Variants in TDRD7 observed in about 807,000 individuals in gnomAD.
TDRD7 encodes tudor domain-containing protein 7.
In TDRD7, 47 loss-of-function variants were observed where a neutral mutation model predicts 109.8. The ratio of observed to expected loss-of-function variants is 0.43; its 90% CI spans 0.34 to 0.55. The LOEUF (loss-of-function observed/expected upper bound fraction) is 0.55. TDRD7 is among the 20% of genes least tolerant of loss of function. The probability of loss-of-function intolerance (pLI) is 0.03; values close to 1 mark genes in which losing one functional copy is unlikely to be tolerated. For synonymous variants in TDRD7, 424 were observed against 457.3 expected, an observed-to-expected ratio of 0.93 and a Z score of 0.93; for missense variants, 1,164 against 1,319.2, an observed-to-expected ratio of 0.88 and a Z score of 1.82.
intron 7 of TDRD7, among the ~76,000 whole-genome samples, chr9:97,461,674 C>G (rs1260514725): frequency 6.6e-6 from 1 of 152,196 alleles, no homozygotes; most frequent in Non-Finnish European, 1.5e-5. Context: ...TTTGCAGTCT[C>G]CATTTGGGAA....
chr9:97,489,552 C>T (rs1242184785), intron 16 of TDRD7, among the ~76,000 whole-genome samples: 1 of 152,028 alleles, frequency 6.6e-6, no homozygotes, highest in African/African-American at 2.4e-5. Context: ...TTAAAGTGGT[C>T]TTGTAGATAA....
At chr9:97,432,274 C>A in intron 4 of TDRD7, 36 bp downstream of exon 4, 1 of 1,571,968 alleles carries the variant, frequency 6.4e-7, no homozygotes, top group Non-Finnish European at 8.8e-7. Flanking sequence ...TTTGGTGAAT[C>A]TAGGGTAAAA....
At chr9:97,417,679 G>A (rs1056336683) in intron 1 of TDRD7, among the ~76,000 whole-genome samples, 1 of 152,140 alleles carries the variant, frequency 6.6e-6, no homozygotes, top group African/African-American at 2.4e-5. Context: ...TTAAACTTGC[G>A]GAACACAAGT....
At chr9:97,436,663 T>G (rs1338497551) in intron 4 of TDRD7, among the ~76,000 whole-genome samples, 1 of 152,214 alleles carries the variant, frequency 6.6e-6, no homozygotes, top group African/African-American at 2.4e-5. Flanking sequence ...GTAATATGTC[T>G]TCTGTTTTCT....
At chr9:97,494,911 A>G (rs1421306734) in intron 16 of TDRD7, among the ~76,000 whole-genome samples, 1 of 151,902 alleles carries the variant, frequency 6.6e-6, no homozygotes, top group East Asian at 1.9e-4. Flanking sequence ...GGGCTGGGCT[A>G]TGTTGCCCAG....
At chr9:97,421,966 G>T (rs1392236706) in intron 1 of TDRD7, among the ~76,000 whole-genome samples, 1 of 152,002 alleles carries the variant, frequency 6.6e-6, no homozygotes, top group East Asian at 1.9e-4. Flanking sequence ...TTTTCATTTA[G>T]GACCTAAATT....
Position 97,437,400 on chromosome 9 carries a change from C to A in TDRD7, c.564-1845C>A, listed in dbSNP as rs376767586. 7.2e-5 allele frequency among the ~76,000 whole-genome samples: 11 copies of A among 152,278 alleles called. No individual in the cohort carries two copies. In the East Asian group the frequency reaches 1.9e-3, roughly 27 times the overall value. On this transcript the variant is annotated intron_variant, in intron 4 of 16. Coordinates refer to ENST00000355295, the MANE Select transcript of TDRD7 (RefSeq NM_014290.3). ...GCCAAAGGCCATCTTCAGTTTCTTG[C>A]CACATGGTTCTTCCCAACATGGCCA...
At chr9:97,465,318 A>G (rs952821093) in intron 8 of TDRD7, among the ~76,000 whole-genome samples, 10 of 152,234 alleles carry the variant, frequency 6.6e-5, no homozygotes, top group African/African-American at 2.2e-4. Context: ...TAGGGGATGT[A>G]TAATGAATAC....
chr9:97,480,464 C>T (rs1016057960), intron 13 of TDRD7: 1 of 263,354 alleles, frequency 3.8e-6, no homozygotes, highest in Non-Finnish European at 7.5e-6. Flanking sequence ...GAGGGTAGAC[C>T]TTGATAAAAG....
chr9:97,445,057 A>G (rs1355504188), intron 6 of TDRD7, among the ~76,000 whole-genome samples: 1 of 152,242 alleles, frequency 6.6e-6, no homozygotes, highest in African/African-American at 2.4e-5. Context: ...GAGAACACAG[A>G]GTTATTCACA....
At chr9:97,446,235 A>G (rs1288592554) in intron 6 of TDRD7, among the ~76,000 whole-genome samples, 1 of 152,166 alleles carries the variant, frequency 6.6e-6, no homozygotes, top group African/African-American at 2.4e-5. Context: ...ATTAGCCAGA[A>G]TATCTGTCTC....
intron 7 of TDRD7, among the ~76,000 whole-genome samples, chr9:97,460,989 A>C (rs1349807001): frequency 6.6e-6 from 1 of 152,024 alleles, no homozygotes; most frequent in Non-Finnish European, 1.5e-5. Context: ...AAAATACAAA[A>C]AATTAGCAGG....
At position 97,475,400 on chromosome 9, in the gene TDRD7, CTTTGTTTCA is replaced by C. The variant is rs1261028828; in HGVS notation, c.2100_2108del (p.Phe700_Ser702del). 6.2e-7 allele frequency: 1 copy of C among 1,613,482 alleles called. No homozygotes were observed. Among genetic ancestry groups the C allele is most frequent in the South Asian group, 1.1e-5 (1 of 91,032 alleles). On this transcript the variant is annotated inframe_deletion, in exon 12 of 17. Coordinates refer to ENST00000355295, the MANE Select transcript of TDRD7 (RefSeq NM_014290.3). Reference sequence around the variant, plus strand: ...TTTTGCAGCACATGACCTCTGAGTGCTTTGTTTCATTACCCTTCTGTGGGAAAATCTGCC... The same window carrying C: ...TTTTGCAGCACATGACCTCTGAGTGCTTACCCTTCTGTGGGAAAATCTGCC...
At chr9:97,441,537 A>G (rs1244110558) in intron 5 of TDRD7, 121 bp from the exon 6 acceptor site, 11 of 840,000 alleles carry the variant, frequency 1.3e-5, no homozygotes, top group Non-Finnish European at 2.1e-5. Context: ...GCTCCCTTCT[A>G]AGTCCTTTGG....
intron 12 of TDRD7, among the ~76,000 whole-genome samples, chr9:97,477,989 T>C (rs574806889): frequency 3.9e-4 from 59 of 152,314 alleles, no homozygotes; most frequent in African/African-American, 1.3e-3. Flanking sequence ...CTGGGCGCGG[T>C]GGCTCACACC....
chr9:97,415,076 T>G (rs1827789867), intron 1 of TDRD7, among the ~76,000 whole-genome samples: 1 of 152,218 alleles, frequency 6.6e-6, no homozygotes, highest in Non-Finnish European at 1.5e-5. Flanking sequence ...TCCAGATACT[T>G]CAAAATTGAA....
At chr9:97,475,350 G>T (rs1828999710) in intron 11 of TDRD7, 33 bp from the exon 12 acceptor site, 2 of 1,516,992 alleles carry the variant, frequency 1.3e-6, no homozygotes. Context: ...TTTGCTAAGA[G>T]TAATAAGAGT....
At chr9:97,493,599 G>A (rs1190793752) in intron 16 of TDRD7, among the ~76,000 whole-genome samples, 1 of 152,174 alleles carries the variant, frequency 6.6e-6, no homozygotes, top group Admixed American at 6.5e-5. Context: ...AGGAGACAGG[G>A]TTTGAGAGCA....
intron 16 of TDRD7, among the ~76,000 whole-genome samples, chr9:97,488,098 C>A (rs748446720): frequency 3.3e-5 from 5 of 152,162 alleles, no homozygotes; most frequent in Non-Finnish European, 7.4e-5. Flanking sequence ...TGAGACTTCC[C>A]TTTTATCTTT....
Sources: gnomAD v4.1 joint callset for allele counts (sites outside exome capture counted in the v4.1 genomes callset) on GRCh38, gnomAD v4.1.1 for gene constraint, MANE v1.5 for transcripts, NCBI Gene and HGNC (gene_info 2026-07-23, HGNC 2026-07-21) for gene names.